Variants in RPAIN observed in about 807,000 individuals in gnomAD.
RPAIN encodes the protein RPA-interacting protein.
RPAIN carries 29 observed loss-of-function variants against 30.5 expected under a neutral mutation model. That is an observed-to-expected ratio of 0.95 (90% CI 0.71 to 1.30). The LOEUF is 1.30. Ranked by LOEUF, RPAIN falls within the 50% of genes most tolerant of loss-of-function variation. RPAIN has a pLI of 0.00. For synonymous variants in RPAIN, 101 were observed against 93.5 expected (o/e 1.08, Z -0.46); for missense variants, 247 against 264.7 (o/e 0.93, Z 0.46).
Position 5,426,268 on chromosome 17 carries a change from T to C in RPAIN, c.458T>C (p.Val153Ala). 1 of 1,614,194 alleles carries C rather than the reference T, an allele frequency of 6.2e-7. No homozygotes were observed. Among genetic ancestry groups the C allele is most frequent in the Middle Eastern group, 1.6e-4 (1 of 6,062 alleles). ...CTGAGAATCACAAGCGGTGTGGTGG[T>C]GTGTCAGTGTGGCCTGTCCATCCCA... ...YNLRITSGVV[V>A]CQCGLSIPSH... Residue 153 changes from valine to alanine, a missense_variant, in exon 5 of 7, where the codon GTG (valine) becomes GCG (alanine). By Grantham distance (64) the Val-to-Ala change is moderately conservative. Transcript: ENST00000381209.
intron 1 of RPAIN, 69 bp from the exon 2 acceptor site, chr17:5,421,227 A>G: frequency 2.1e-6 from 3 of 1,453,206 alleles, no homozygotes; most frequent in Non-Finnish European, 2.8e-6. Flanking sequence ...TTTCTCAACT[A>G]ATGTAAGAGT....
intron 6 of RPAIN, chr17:5,430,727 A>C (rs981182039): frequency 2.0e-5 from 3 of 152,300 alleles, no homozygotes; most frequent in African/African-American, 2.4e-5. Context: ...AGAGGTGCTT[A>C]AGATGTTTGT....
chr17:5,431,381 G>C (rs1041821813), intron 6 of RPAIN: 4 of 445,888 alleles, frequency 9.0e-6, no homozygotes, highest in Non-Finnish European at 1.8e-5. Context: ...CAGCTACTCG[G>C]AAGGCTGAAG....
chr17:5,425,062 C>G (rs1964959054), intron 3 of RPAIN: 1 of 287,836 alleles, frequency 3.5e-6, no homozygotes, highest in African/African-American at 2.3e-5. Context: ...ACCATGTGGT[C>G]TCTGGCACAA....
At chr17:5,420,683 T>G (rs1162769273) in intron 1 of RPAIN, among the ~76,000 whole-genome samples, 2 of 152,078 alleles carry the variant, frequency 1.3e-5, no homozygotes, top group Non-Finnish European at 2.9e-5. Flanking sequence ...TCTGGCCTCT[T>G]CTGAACACAG....
At chr17:5,432,076 A>G in intron 6 of RPAIN, 1 of 219,396 alleles carries the variant, frequency 4.6e-6, no homozygotes, top group South Asian at 7.3e-5. Context: ...TTTTACACTC[A>G]GGTGCTTACT....
chr17:5,428,039 C>G, intron 5 of RPAIN, 32 bp from the exon 6 acceptor site: 2 of 1,611,784 alleles, frequency 1.2e-6, no homozygotes, highest in Non-Finnish European at 1.7e-6. Context: ...TATCAAGTCA[C>G]TGAGAGGAGG....
chr17:5,421,765 G>T (rs1914866183), intron 2 of RPAIN: 1 of 202,962 alleles, frequency 4.9e-6, no homozygotes, highest in South Asian at 1.5e-4. Flanking sequence ...GTAGGCATAG[G>T]CTAGGAATCT....
intron 3 of RPAIN, among the ~76,000 whole-genome samples, chr17:5,423,757 G>T (rs112131621): frequency 0.011 from 1,746 of 151,920 alleles, 14 homozygotes; most frequent in Non-Finnish European, 0.019. Context: ...GCCTTGTTTG[G>T]TTTTTGTTTT....
chr17:5,432,339 C>T, intron 6 of RPAIN: 1 of 548,896 alleles, frequency 1.8e-6, no homozygotes, highest in Non-Finnish European at 3.3e-6. Context: ...GTTCCCAGGG[C>T]AGTTGTTTGA....
At chr17:5,429,268 G>A in intron 6 of RPAIN, 2 of 985,436 alleles carry the variant, frequency 2.0e-6, no homozygotes, top group Non-Finnish European at 2.4e-6. Flanking sequence ...GCATGGAATC[G>A]ATCTGGACAG....
chr17:5,428,219 T>C lies in RPAIN; in HGVS notation c.630+8T>C. 6.2e-7 allele frequency: 1 copy of C among 1,614,182 alleles called. No individual in the cohort carries two copies. The highest frequency in any genetic ancestry group is 8.5e-7 in the Non-Finnish European group (1 of 1,180,038). On this transcript the variant is annotated splice_region_variant and intron_variant, in intron 6 of 6. Coordinates refer to ENST00000381209, the MANE Select transcript of RPAIN (RefSeq NM_001033002.4). ...CTTCTCATGAGCTGTCTGGTAAGCG[T>C]CTCCTGGGACCCACTCTGTGGTAAG... is the stretch of plus-strand genomic sequence containing the variant.
chr17:5,420,337 G>A, intron 1 of RPAIN, 46 bp downstream of exon 1: 1 of 1,539,930 alleles, frequency 6.5e-7, no homozygotes, highest in African/African-American at 1.4e-5. Flanking sequence ...TCGTCCCGGT[G>A]ACCGCCGTCT....
chr17:5,420,846 A>G lies in RPAIN; in HGVS notation c.82-450A>G, dbSNP rs560555087. Among the ~76,000 whole-genome samples the G allele has an allele frequency of 1.4e-4, 22 of 152,360 alleles. No individual in the cohort carries two copies. The South Asian group carries it at 4.4e-3, about 30-fold the overall frequency. On this transcript the variant is annotated intron_variant, in intron 1 of 6. Coordinates refer to ENST00000381209, the MANE Select transcript of RPAIN (RefSeq NM_001033002.4). ...TAAGCCACGTCTCGGGCCTCCACCC[A>G]CTAGATGCTAATAGTCCTATAACTA...
intron 6 of RPAIN, 65 bp from the exon 7 acceptor site, chr17:5,432,476 CT>C: frequency 4.1e-6 from 6 of 1,450,358 alleles, no homozygotes; most frequent in Non-Finnish European, 5.8e-6. Context: ...TTGATTACAA[CT>C]TTTATCAGAT....
chr17:5,427,824 C>A, intron 5 of RPAIN: 1 of 518,064 alleles, frequency 1.9e-6, no homozygotes. Flanking sequence ...GAGCGTTCTT[C>A]CTGCCATGAG....
intron 5 of RPAIN, 157 bp from the exon 6 acceptor site, chr17:5,427,914 G>A: frequency 1.4e-6 from 1 of 715,314 alleles, no homozygotes; most frequent in Non-Finnish European, 2.5e-6. Context: ...TGGGTTAAGA[G>A]ATCTTGGTAC....
intron 2 of RPAIN, among the ~76,000 whole-genome samples, chr17:5,422,095 C>T (rs1001097745): frequency 2.0e-5 from 3 of 152,180 alleles, no homozygotes; most frequent in South Asian, 2.1e-4. Flanking sequence ...TCTCAGCCAA[C>T]GTTGGCAGCC....
intron 6 of RPAIN, chr17:5,429,422 G>C (rs1012813329): frequency 1.0e-6 from 1 of 985,152 alleles, no homozygotes; most frequent in African/African-American, 1.7e-5. Flanking sequence ...ATGAGGGAGA[G>C]GATAGTTCCT....
Sources: gnomAD v4.1 joint callset for allele counts (sites outside exome capture counted in the v4.1 genomes callset) on GRCh38, gnomAD v4.1.1 for gene constraint, MANE v1.5 for transcripts, NCBI Gene and HGNC (gene_info 2026-07-23, HGNC 2026-07-21) for gene names.